Variants in DOCK9 observed in about 807,000 individuals in gnomAD.
DOCK9 encodes dedicator of cytokinesis 9.
In DOCK9, 89 loss-of-function variants were observed where a neutral mutation model predicts 263.3. That is an observed-to-expected ratio of 0.34 (90% CI 0.28 to 0.40). DOCK9 has a LOEUF of 0.40. DOCK9 is among the 10% of genes least tolerant of loss of function. The pLI, the probability that DOCK9 is intolerant of heterozygous loss-of-function variation, is 1.00. For synonymous variants in DOCK9, 976 were observed against 973.1 expected (o/e 1.00, Z -0.06); for missense variants, 2,140 against 2,603.4 (o/e 0.82, Z 3.87).
intron 45 of DOCK9, among the ~76,000 whole-genome samples, chr13:98,819,019 T>A (rs1802310166): frequency 6.6e-6 from 1 of 152,220 alleles, no homozygotes; most frequent in African/African-American, 2.4e-5. Flanking sequence ...TAACTGCAAA[T>A]GTGTGACCTG....
intron 1 of DOCK9, among the ~76,000 whole-genome samples, chr13:99,067,855 T>C (rs1283111679): frequency 6.7e-6 from 1 of 149,756 alleles, no homozygotes; most frequent in Admixed American, 6.7e-5. Context: ...AGATTCCACA[T>C]TGTAAGGACA....
At chr13:99,016,453 T>C (rs78746178) in intron 1 of DOCK9, among the ~76,000 whole-genome samples, 2,432 of 152,180 alleles carry the variant, frequency 0.016, 47 homozygotes, top group Non-Finnish European at 0.02. Context: ...AATGAGAACA[T>C]GAATAAAGGG....
chr13:98,861,871 C>T (rs2093881174), intron 32 of DOCK9, among the ~76,000 whole-genome samples: 1 of 152,066 alleles, frequency 6.6e-6, no homozygotes, highest in African/African-American at 2.4e-5. Context: ...GCCTCATGTC[C>T]CTCACCTTGG....
intron 27 of DOCK9, among the ~76,000 whole-genome samples, chr13:98,879,121 C>T (rs2044328918): frequency 6.6e-6 from 1 of 152,256 alleles, no homozygotes; most frequent in African/African-American, 2.4e-5. Flanking sequence ...GAAAGTGACA[C>T]TGCCACTTCT....
chr13:98,848,691 C>T (rs983769480), intron 36 of DOCK9, 52 bp from the exon 37 acceptor site: 41 of 1,542,194 alleles, frequency 2.7e-5, no homozygotes, highest in African/African-American at 4.1e-5. Context: ...AAATTATTTT[C>T]GGGACGTTAT....
chr13:99,044,558 G>A (rs572432111), intron 1 of DOCK9, among the ~76,000 whole-genome samples: 2 of 152,238 alleles, frequency 1.3e-5, no homozygotes, highest in Admixed American at 1.3e-4. Flanking sequence ...TGAATACCAC[G>A]ATCGCTTCCT....
intron 30 of DOCK9, among the ~76,000 whole-genome samples, chr13:98,865,919 A>C (rs2094007303): frequency 6.6e-6 from 1 of 150,376 alleles, no homozygotes; most frequent in African/African-American, 2.5e-5. Context: ...GGGTGGCATG[A>C]TATGTTTGAG....
At chr13:98,901,643 T>C (rs1595133420) in intron 13 of DOCK9, 135 bp downstream of exon 13, 3 of 1,030,820 alleles carry the variant, frequency 2.9e-6, no homozygotes, top group East Asian at 2.6e-5. Flanking sequence ...TCAGAGTAAA[T>C]ACAGGTAGCA....
At chr13:98,840,230 T>G (rs1437638991) in intron 38 of DOCK9, among the ~76,000 whole-genome samples, 4 of 152,162 alleles carry the variant, frequency 2.6e-5, no homozygotes, top group African/African-American at 9.7e-5. Context: ...GGGTTGGCAA[T>G]GTTTTGAAAG....
At chr13:98,810,404 A>G (rs2091198039) in intron 45 of DOCK9, 113 bp from the exon 46 acceptor site, 2 of 1,321,330 alleles carry the variant, frequency 1.5e-6, no homozygotes, top group Admixed American at 2.0e-5. Flanking sequence ...TTCACAATAG[A>G]CAACATGCAT....
intron 20 of DOCK9, 83 bp from the exon 21 acceptor site, chr13:98,885,175 CT>C: frequency 3.2e-6 from 5 of 1,547,546 alleles, no homozygotes; most frequent in Non-Finnish European, 4.4e-6. Flanking sequence ...GTAAAACCGT[CT>C]GATTTTTAAG....
At chr13:99,011,472 A>G (rs1884464762) in intron 1 of DOCK9, among the ~76,000 whole-genome samples, 1 of 152,232 alleles carries the variant, frequency 6.6e-6, no homozygotes, top group African/African-American at 2.4e-5. Context: ...CAGACTGTAT[A>G]TAAAATGAAA....
At chr13:99,082,334 T>C (rs1465829991) in intron 1 of DOCK9, among the ~76,000 whole-genome samples, 1 of 151,422 alleles carries the variant, frequency 6.6e-6, no homozygotes, top group Non-Finnish European at 1.5e-5. Flanking sequence ...CCTGGCCAAA[T>C]TGGCAAAACC....
At chr13:99,022,978 G>A (rs1398518720) in intron 1 of DOCK9, among the ~76,000 whole-genome samples, 1 of 152,094 alleles carries the variant, frequency 6.6e-6, no homozygotes, top group Admixed American at 6.5e-5. Context: ...TCTTCAAAAG[G>A]GAGAAACATT....
rs1161311114 is a variant in DOCK9, at chr13:98,810,236, C to T, written c.5186G>A (p.Arg1729His). The T allele has an allele frequency of 4.3e-6, 7 of 1,612,992 alleles. No individual in the cohort carries two copies. Among genetic ancestry groups the T allele is most frequent in the South Asian group, 1.1e-5 (1 of 91,030 alleles). ...GTAGATGTCGGCGATGAGCTCGTAG[C>T]GCTCGGCTTTCCAGAGTCCATCTGC... ...QCADGLWKAE[R>H]YELIADIYKL... Residue 1729 changes from arginine to histidine, a missense_variant, in exon 46 of 53, where the codon CGC (arginine) becomes CAC (histidine). Arg to His is a conservative substitution (Grantham distance 29). Transcript: ENST00000682017.
chr13:98,954,438 C>G (rs539641427), intron 2 of DOCK9, among the ~76,000 whole-genome samples: 1 of 152,192 alleles, frequency 6.6e-6, no homozygotes, highest in Non-Finnish European at 1.5e-5. Flanking sequence ...TTAACACCAC[C>G]GGGTTTCCTG....
intron 15 of DOCK9, among the ~76,000 whole-genome samples, chr13:98,893,647 T>C (rs1465048525): frequency 6.6e-6 from 1 of 152,186 alleles, no homozygotes; most frequent in East Asian, 1.9e-4. Context: ...TTAAATAACA[T>C]TTTGAGACAA....
chr13:99,081,055 G>T (rs2042104356), intron 1 of DOCK9, among the ~76,000 whole-genome samples: 1 of 152,208 alleles, frequency 6.6e-6, no homozygotes, highest in African/African-American at 2.4e-5. Flanking sequence ...TGCTGTTAAT[G>T]ATATAGTCCA....
chr13:98,944,379 T>C (rs1405977254), intron 2 of DOCK9, among the ~76,000 whole-genome samples: 1 of 37,438 alleles, frequency 2.7e-5, no homozygotes, highest in African/African-American at 9.8e-5. Flanking sequence ...GTCCACTATA[T>C]GAGAAAAAAA....
Sources: gnomAD v4.1 joint callset for allele counts (sites outside exome capture counted in the v4.1 genomes callset) on GRCh38, gnomAD v4.1.1 for gene constraint, MANE v1.5 for transcripts, NCBI Gene and HGNC (gene_info 2026-07-23, HGNC 2026-07-21) for gene names.